The following SUGCT variants were observed in gnomAD, a reference collection of about 807,000 sequenced individuals.
The protein encoded by SUGCT is succinyl-CoA:glutarate-CoA transferase, also known as succinyl-CoA:glutarate CoA-transferase.
Under a neutral mutation model 55.0 loss-of-function variants are expected in SUGCT, and 41 were observed. That is an observed-to-expected ratio of 0.74 (90% CI 0.58 to 0.97). The LOEUF (loss-of-function observed/expected upper bound fraction) is 0.97, where lower values mean the gene tolerates loss of function less well. Ranked by LOEUF, SUGCT falls within the 50% of genes least tolerant of loss-of-function variation. The probability of loss-of-function intolerance (pLI) is 0.00; values close to 1 mark genes in which losing one functional copy is unlikely to be tolerated. For synonymous variants in SUGCT, 187 were observed against 200.4 expected, an observed-to-expected ratio of 0.93 and a Z score of 0.56; for missense variants, 568 against 547.8, an observed-to-expected ratio of 1.04 and a Z score of -0.37.
chr7:40,715,308 A>C (rs978144897), intron 12 of SUGCT, among the ~76,000 whole-genome samples: 12 of 151,916 alleles, frequency 7.9e-5, no homozygotes, highest in African/African-American at 2.9e-4. Context: ...TGCTGCTGTG[A>C]CCTCATCTAT....
At chr7:40,898,143 A>C in the SUGCT span, among the ~76,000 whole-genome samples, 1 of 151,426 alleles carries the variant, frequency 6.6e-6, no homozygotes, top group Non-Finnish European at 1.5e-5. Context: ...CAAGACCACC[A>C]GCTCACCAGT....
chr7:40,944,748 C>T, the SUGCT span, among the ~76,000 whole-genome samples: 64 of 148,040 alleles, frequency 4.3e-4, no homozygotes, highest in African/African-American at 1.3e-3. Flanking sequence ...CTTGGCAATG[C>T]GGGCTCTAAT....
chr7:40,227,279 C>T (rs775899437), intron 6 of SUGCT, among the ~76,000 whole-genome samples: 1 of 151,912 alleles, frequency 6.6e-6, no homozygotes, highest in Non-Finnish European at 1.5e-5. Flanking sequence ...GAACTCCTGA[C>T]CTCAAGTGAT....
chr7:40,437,522 T>C (rs1299331838), intron 9 of SUGCT, among the ~76,000 whole-genome samples: 1 of 152,196 alleles, frequency 6.6e-6, no homozygotes, highest in Non-Finnish European at 1.5e-5. Flanking sequence ...GTAGGTGAAG[T>C]TGGAGACTCC....
At chr7:40,336,316 A>G (rs995277496) in intron 9 of SUGCT, among the ~76,000 whole-genome samples, 1 of 152,168 alleles carries the variant, frequency 6.6e-6, no homozygotes, top group Non-Finnish European at 1.5e-5. Flanking sequence ...TAGTTTCAGA[A>G]GGAATGGTAC....
At chr7:40,887,457 A>G in the SUGCT span, among the ~76,000 whole-genome samples, 47 of 152,328 alleles carry the variant, frequency 3.1e-4, 1 homozygote, top group African/African-American at 1.1e-3. Flanking sequence ...TCTTTTTAAC[A>G]TAGAATCACA....
At chr7:40,959,714 G>GAA in the SUGCT span, among the ~76,000 whole-genome samples, 1 of 145,160 alleles carries the variant, frequency 6.9e-6, no homozygotes, top group Non-Finnish European at 1.5e-5. Context: ...ACTGGGGTAG[G>GAA]AAAAAAAAAA....
At chr7:40,756,934 C>T (rs1257921076) in intron 13 of SUGCT, among the ~76,000 whole-genome samples, 1 of 152,126 alleles carries the variant, frequency 6.6e-6, no homozygotes, top group Non-Finnish European at 1.5e-5. Flanking sequence ...AGTCTGTCAA[C>T]AAAATGAGAG....
chr7:40,916,337 G>T, the SUGCT span, among the ~76,000 whole-genome samples: 1 of 152,112 alleles, frequency 6.6e-6, no homozygotes, highest in East Asian at 1.9e-4. Flanking sequence ...TGATTGCAGT[G>T]GTTGATTGAA....
the SUGCT span, among the ~76,000 whole-genome samples, chr7:41,015,651 T>A: frequency 6.6e-6 from 1 of 152,190 alleles, no homozygotes; most frequent in Non-Finnish European, 1.5e-5. Context: ...ATCAGGCTAT[T>A]TGTAGTCAAC....
the SUGCT span, among the ~76,000 whole-genome samples, chr7:40,907,833 A>G: frequency 6.6e-6 from 1 of 152,190 alleles, no homozygotes; most frequent in African/African-American, 2.4e-5. Flanking sequence ...GTTTGACATC[A>G]TCCTCACCAA....
At chr7:40,392,721 C>G (rs1386918521) in intron 9 of SUGCT, among the ~76,000 whole-genome samples, 1 of 151,996 alleles carries the variant, frequency 6.6e-6, no homozygotes, top group East Asian at 1.9e-4. Context: ...TTAGGAGAGA[C>G]AAAACTGGAG....
chr7:40,872,130 C>G, the SUGCT span, among the ~76,000 whole-genome samples: 2 of 152,184 alleles, frequency 1.3e-5, no homozygotes, highest in African/African-American at 2.4e-5. Context: ...ACAGCAAAAA[C>G]TCAGCCTAAA....
At chr7:40,715,669 T>G (rs950470142) in intron 12 of SUGCT, among the ~76,000 whole-genome samples, 1 of 152,158 alleles carries the variant, frequency 6.6e-6, no homozygotes, top group Non-Finnish European at 1.5e-5. Context: ...AGTTGCTGAG[T>G]CCGGATTCCA....
the SUGCT span, among the ~76,000 whole-genome samples, chr7:40,889,143 C>T: frequency 2.6e-5 from 4 of 152,178 alleles, no homozygotes; most frequent in South Asian, 2.1e-4. Flanking sequence ...TGAAGTACAT[C>T]GATGGGCTGG....
chr7:40,274,330 A>G (rs532272736), intron 7 of SUGCT, among the ~76,000 whole-genome samples, 183 bp from the exon 8 acceptor site: 1 of 152,176 alleles, frequency 6.6e-6, no homozygotes, highest in East Asian at 1.9e-4. Flanking sequence ...GTAAATATAA[A>G]TATTTTCCTA....
intron 7 of SUGCT, among the ~76,000 whole-genome samples, chr7:40,273,170 A>C (rs1562634857): frequency 6.6e-6 from 1 of 152,226 alleles, no homozygotes; most frequent in Non-Finnish European, 1.5e-5. Context: ...GTAAACTGCC[A>C]GACATTTCCA....
intron 12 of SUGCT, among the ~76,000 whole-genome samples, chr7:40,650,325 AGG>A (rs1179888679): frequency 2.6e-5 from 4 of 152,088 alleles, no homozygotes; most frequent in Non-Finnish European, 5.9e-5. Flanking sequence ...CTGTGCTCAA[AGG>A]GGGGGATTAC....
rs932250728 is a variant in SUGCT, at chr7:40,638,826, G to A, written c.1090-110608G>A. 5.3e-5 allele frequency among the ~76,000 whole-genome samples: 8 copies of A among 152,074 alleles called. No homozygotes were observed. In the South Asian group the frequency reaches 6.2e-4, roughly 12 times the overall value. Reference sequence around the variant, plus strand: ...TGAAGGAGAGGGAGTAATAGGGTACGTCAGAAATGATGTAGGTGGGACGTG... The same window carrying A: ...TGAAGGAGAGGGAGTAATAGGGTACATCAGAAATGATGTAGGTGGGACGTG... On this transcript the variant is annotated intron_variant, in intron 12 of 13. Coordinates refer to ENST00000335693, the MANE Select transcript of SUGCT (RefSeq NM_001193313.2).
Sources: gnomAD v4.1 joint callset for allele counts (sites outside exome capture counted in the v4.1 genomes callset) on GRCh38, gnomAD v4.1.1 for gene constraint, MANE v1.5 for transcripts, NCBI Gene and HGNC (gene_info 2026-07-23, HGNC 2026-07-21) for gene names.